Variants in DLEC1 observed in about 807,000 individuals in gnomAD.
The protein encoded by DLEC1 is deleted in lung and esophageal cancer protein 1.
Under a neutral mutation model 198.1 loss-of-function variants are expected in DLEC1, and 146 were observed. The ratio of observed to expected loss-of-function variants is 0.74; its 90% CI spans 0.64 to 0.85. DLEC1 has a LOEUF of 0.85. Ranked by LOEUF, DLEC1 falls within the 40% of genes least tolerant of loss-of-function variation. The probability of loss-of-function intolerance (pLI) is 0.00; values close to 1 mark genes in which losing one functional copy is unlikely to be tolerated. For missense variants in DLEC1, 2,233 were observed against 2,220.0 expected (o/e 1.01, Z -0.12); for synonymous variants, 897 against 866.8 (o/e 1.03, Z -0.61).
chr3:38,046,038 A>G (rs956260038), intron 2 of DLEC1, among the ~76,000 whole-genome samples: 1 of 152,356 alleles, frequency 6.6e-6, no homozygotes, highest in Middle Eastern at 3.4e-3. Flanking sequence ...ATGGGAATAC[A>G]TGTGCCATTG....
chr3:38,085,703 C>T (rs528258810), intron 8 of DLEC1, among the ~76,000 whole-genome samples: 2 of 152,206 alleles, frequency 1.3e-5, no homozygotes, highest in Admixed American at 1.3e-4. Context: ...GTCCAGCTAA[C>T]CCCACCATAG....
intron 6 of DLEC1, among the ~76,000 whole-genome samples, chr3:38,079,464 A>G (rs911194237): frequency 2.6e-5 from 4 of 152,162 alleles, no homozygotes; most frequent in African/African-American, 9.7e-5. Context: ...CTTACCTTCC[A>G]CTGTGAGAGT....
At chr3:38,118,165 C>CG (rs1226219088) in intron 33 of DLEC1, 141 bp downstream of exon 33, 1 of 915,736 alleles carries the variant, frequency 1.1e-6, no homozygotes, top group Non-Finnish European at 1.6e-6. Context: ...CATGAACACT[C>CG]GGGGGTGCAC....
chr3:38,082,442 G>C (rs1275643608), intron 6 of DLEC1, among the ~76,000 whole-genome samples: 1 of 151,966 alleles, frequency 6.6e-6, no homozygotes, highest in Admixed American at 6.5e-5. Flanking sequence ...GGCCAAGGCA[G>C]GCGGCTGCTC....
chr3:38,088,687 G>C (rs932733887), intron 10 of DLEC1, among the ~76,000 whole-genome samples: 7 of 152,114 alleles, frequency 4.6e-5, no homozygotes, highest in African/African-American at 1.4e-4. Flanking sequence ...CAAGATCTTC[G>C]CTTGGTTCTT....
intron 5 of DLEC1, 56 bp downstream of exon 5, chr3:38,062,857 AG>A: frequency 1.9e-6 from 3 of 1,577,658 alleles, no homozygotes. Flanking sequence ...GAGTTAACCT[AG>A]ATGGTCCTCC....
chr3:38,059,616 C>T (rs1696568519), intron 2 of DLEC1, 126 bp from the exon 3 acceptor site: 1 of 753,750 alleles, frequency 1.3e-6, no homozygotes, highest in Non-Finnish European at 2.2e-6. Flanking sequence ...CTCAACATTC[C>T]CACAGGTTTC....
rs1325684840 is a variant in DLEC1, at chr3:38,121,310, T to TG, written c.4867-315dup. On this transcript the variant is annotated intron_variant, in intron 34 of 36. Transcript: ENST00000308059. ...TCCACGGCTGAGAGGAGCTGAGGGC[T>TG]GGGCCTTGGGGGCCACCACAGGAGG... is the stretch of plus-strand genomic sequence containing the variant. 2.6e-5 allele frequency among the ~76,000 whole-genome samples: 4 copies of TG among 152,284 alleles called. No individual in the cohort carries two copies. In the East Asian group the frequency reaches 7.7e-4, roughly 29 times the overall value.
chr3:38,114,970 TGTCCCCCTCCAG>T lies in DLEC1; in HGVS notation c.3786-10_3787del, dbSNP rs1303892047. 6.2e-7 allele frequency: 1 copy of T among 1,612,610 alleles called. No homozygotes were observed. The highest frequency in any genetic ancestry group is 8.5e-7 in the Non-Finnish European group (1 of 1,179,154). ...GGCTGTGGCTGTACTGAGTCCAGTC[TGTCCCCCTCCAG>T]GTTCGGCACCCAGGTCTCCGGAGGA... On this transcript the variant is annotated splice_acceptor_variant and splice_polypyrimidine_tract_variant and intron_variant, in intron 26 of 36. Coordinates refer to ENST00000308059, the MANE Select transcript of DLEC1 (RefSeq NM_007335.4). LOFTEE classifies it high-confidence loss of function.
At chr3:38,076,996 A>T (rs1302072724) in intron 6 of DLEC1, among the ~76,000 whole-genome samples, 1 of 152,208 alleles carries the variant, frequency 6.6e-6, no homozygotes, top group Admixed American at 6.5e-5. Flanking sequence ...GCCTGGATAC[A>T]GTTTTGTATG....
At chr3:38,071,268 G>A (rs1206053577) in intron 6 of DLEC1, among the ~76,000 whole-genome samples, 2 of 152,216 alleles carry the variant, frequency 1.3e-5, no homozygotes, top group Non-Finnish European at 1.5e-5. Flanking sequence ...GGTATTAAAG[G>A]ACTAAGAATT....
At position 38,123,071 on chromosome 3, in the gene DLEC1, G is replaced by A. The variant is rs2229529; in HGVS notation, c.*659G>A. 1,848 of 1,614,140 alleles carry A rather than the reference G, an allele frequency of 1.1e-3. 20 individuals carry two copies. The African/African-American group carries it at 0.022, about 19-fold the overall frequency. ...CTCAGTTCCCAGGGTATTCAAAGAC[G>A]GCAGCGGCTCCCATTCCAGTCCCGA... On this transcript the variant is annotated 3_prime_UTR_variant, in exon 37 of 37. Transcript: ENST00000308059.
rs1484231236 is a variant in DLEC1 at position 38,122,706 on chromosome 3, C to T, written c.*294C>T. 7.2e-7 allele frequency: 1 copy of T among 1,384,976 alleles called. No individual in the cohort carries two copies. Among genetic ancestry groups the T allele is most frequent in the Non-Finnish European group, 9.4e-7 (1 of 1,061,734 alleles). 85.8% of individuals were successfully genotyped at this position (1,384,976 alleles called of 1,614,324 possible). A position where few individuals can be genotyped will look rare whatever the true frequency, so the allele number is the denominator to read the frequency against. On this transcript the variant is annotated 3_prime_UTR_variant, in exon 37 of 37. Coordinates refer to ENST00000308059, the MANE Select transcript of DLEC1 (RefSeq NM_007335.4). ...AATTAGTCTTGGAAAAAAACCACAG[C>T]CACTAAGATAAATTCATGCACTTTT... is the stretch of plus-strand genomic sequence containing the variant.
chr3:38,111,671 G>A lies in DLEC1; in HGVS notation c.3444-6G>A. The A allele has an allele frequency of 6.2e-7, 1 of 1,612,636 alleles. No homozygotes were observed. The highest frequency in any genetic ancestry group is 8.5e-7 in the Non-Finnish European group (1 of 1,179,316). ...TGATACTATTTCTGTGTCTCCACTT[G>A]TAAAGTCCCAACATGCCTCCTGCCC... On this transcript the variant is annotated splice_polypyrimidine_tract_variant and splice_region_variant and intron_variant, in intron 23 of 36. Coordinates refer to ENST00000308059, the MANE Select transcript of DLEC1 (RefSeq NM_007335.4).
At chr3:38,115,504 T>G (rs1489904679) in intron 27 of DLEC1, among the ~76,000 whole-genome samples, 1 of 143,134 alleles carries the variant, frequency 7.0e-6, no homozygotes, top group Non-Finnish European at 1.6e-5. Context: ...GTAGGCTGAG[T>G]CTAAGAGGAA....
At chr3:38,093,877 C>A in intron 12 of DLEC1, 110 bp downstream of exon 12, 1 of 1,382,596 alleles carries the variant, frequency 7.2e-7, no homozygotes, top group South Asian at 1.4e-5. Flanking sequence ...AGACTGGGCA[C>A]AGAATGGATA....
At position 38,063,882 on chromosome 3, in the gene DLEC1, G is replaced by C; in HGVS notation, c.1136G>C (p.Gly379Ala). 1 of 1,613,044 alleles carries C rather than the reference G, an allele frequency of 6.2e-7. No individual in the cohort carries two copies. The change falls in exon 6 of 37, where the codon GGG becomes GCG. Residue 379 changes from glycine (G) to alanine (A), a missense_variant. By Grantham distance (60) the Gly-to-Ala change is moderately conservative (BLOSUM62 0). Transcript: ENST00000308059. ...GTGTTTCTAGCTAAGCCACCAATTG[G>C]GTTTTTCACAGATTATGAAATTGGT... is the stretch of plus-strand genomic sequence containing the variant. ...TPVFLAKPPI[G>A]FFTDYEIGPV...
At position 38,095,947 on chromosome 3, in the gene DLEC1, G is replaced by A. The variant is rs200991090; in HGVS notation, c.2171+1G>A. The A allele has an allele frequency of 6.2e-7, 1 of 1,613,482 alleles. No homozygotes were observed. The highest frequency in any genetic ancestry group is 8.5e-7 in the Non-Finnish European group (1 of 1,179,976). On this transcript the variant is annotated splice_donor_variant, in intron 14 of 36. Coordinates refer to ENST00000308059, the MANE Select transcript of DLEC1 (RefSeq NM_007335.4). LOFTEE classifies it high-confidence loss of function. ...TAGAGGAAGTCCCAGAGCCTGTAAG[G>A]TGAGAGAAACTGGGCCCTGGATGAG...
At chr3:38,091,328 G>C (rs1698735680) in intron 10 of DLEC1, among the ~76,000 whole-genome samples, 1 of 152,078 alleles carries the variant, frequency 6.6e-6, no homozygotes, top group East Asian at 1.9e-4. Context: ...AGCCGGGTGT[G>C]GTGGCATGCA....
Sources: allele counts gnomAD v4.1 joint callset (sites outside exome capture counted in the v4.1 genomes callset), GRCh38; gene constraint gnomAD v4.1.1; transcripts MANE v1.5; gene names NCBI Gene and HGNC (gene_info 2026-07-23, HGNC 2026-07-21).